The following NCKAP5 variants were observed in gnomAD, a reference collection of about 807,000 sequenced individuals.
The protein encoded by NCKAP5 is nck-associated protein 5.
A neutral mutation model predicts 167.0 loss-of-function variants in NCKAP5; 92 were observed. The ratio of observed to expected loss-of-function variants is 0.55; its 90% CI spans 0.47 to 0.66. The LOEUF is 0.66. NCKAP5 is among the 30% of genes least tolerant of loss of function. The pLI, the probability that NCKAP5 is intolerant of heterozygous loss-of-function variation, is 0.00. For missense variants in NCKAP5, 2,378 were observed against 2,315.0 expected (o/e 1.03, Z -0.56); for synonymous variants, 891 against 877.4 (o/e 1.02, Z -0.27).
intron 8 of NCKAP5, among the ~76,000 whole-genome samples, chr2:132,897,487 CAG>C (rs1322204617): frequency 2.6e-5 from 4 of 152,154 alleles, no homozygotes; most frequent in African/African-American, 9.7e-5. Flanking sequence ...ACATACGAAT[CAG>C]AGTTTCTCAA....
intron 8 of NCKAP5, among the ~76,000 whole-genome samples, chr2:132,919,564 C>A (rs565475948): frequency 5.9e-5 from 9 of 152,166 alleles, no homozygotes; most frequent in African/African-American, 2.2e-4. Flanking sequence ...ACATTTGATG[C>A]AAGATCAACA....
intron 16 of NCKAP5, among the ~76,000 whole-genome samples, chr2:132,735,000 T>C (rs943825440): frequency 1.3e-5 from 2 of 152,228 alleles, no homozygotes; most frequent in Non-Finnish European, 2.9e-5. Flanking sequence ...CTAGCTTGGT[T>C]CCTGGGCTCC....
At chr2:133,315,632 G>GAAAA (rs60000379) in intron 3 of NCKAP5, among the ~76,000 whole-genome samples, 2 of 130,786 alleles carry the variant, frequency 1.5e-5, no homozygotes, top group African/African-American at 5.6e-5. Context: ...GTTGAGAGGA[G>GAAAA]AAAAAAAAAA....
chr2:133,256,740 T>C (rs1367601286), intron 4 of NCKAP5, among the ~76,000 whole-genome samples: 1 of 152,182 alleles, frequency 6.6e-6, no homozygotes, highest in African/African-American at 2.4e-5. Flanking sequence ...GTCAATAGTT[T>C]AAAACAAAGT....
At chr2:133,351,250 A>G (rs1684339846) in intron 3 of NCKAP5, among the ~76,000 whole-genome samples, 1 of 152,094 alleles carries the variant, frequency 6.6e-6, no homozygotes, top group Non-Finnish European at 1.5e-5. Flanking sequence ...AAAACCACTC[A>G]CAGGGTTTTC....
chr2:132,751,704 C>A (rs1322489443), intron 16 of NCKAP5, among the ~76,000 whole-genome samples: 2 of 152,160 alleles, frequency 1.3e-5, no homozygotes, highest in African/African-American at 2.4e-5. Context: ...GATCCCTGTG[C>A]AATTACTGAA....
chr2:133,031,682 G>T (rs2078885795), intron 6 of NCKAP5, among the ~76,000 whole-genome samples: 1 of 152,072 alleles, frequency 6.6e-6, no homozygotes, highest in Non-Finnish European at 1.5e-5. Flanking sequence ...CAGCTGCACA[G>T]CTCACAGCTA....
At chr2:132,855,546 T>C (rs6713271) in intron 11 of NCKAP5, among the ~76,000 whole-genome samples, 2,604 of 152,304 alleles carry the variant, frequency 0.017, 69 homozygotes, top group African/African-American at 0.06. Context: ...GGTGAACTTA[T>C]ATCCCAACAG....
intron 3 of NCKAP5, among the ~76,000 whole-genome samples, chr2:133,474,606 T>C (rs867694976): frequency 1.1e-4 from 17 of 152,356 alleles, no homozygotes; most frequent in African/African-American, 3.8e-4. Context: ...TAGTTTGATC[T>C]AGCCATTCTA....
At chr2:132,689,709 A>G (rs1308114533) in intron 19 of NCKAP5, among the ~76,000 whole-genome samples, 2 of 152,076 alleles carry the variant, frequency 1.3e-5, no homozygotes, top group African/African-American at 2.4e-5. Flanking sequence ...TAACACCACA[A>G]TTCAGGCAAC....
intron 7 of NCKAP5, among the ~76,000 whole-genome samples, chr2:132,980,330 C>A (rs1473670022): frequency 6.6e-6 from 1 of 152,008 alleles, no homozygotes; most frequent in Non-Finnish European, 1.5e-5. Flanking sequence ...TTAGAATAGG[C>A]CTGCGGAAAT....
At chr2:132,813,478 T>A (rs1461603596) in intron 11 of NCKAP5, among the ~76,000 whole-genome samples, 1 of 152,194 alleles carries the variant, frequency 6.6e-6, no homozygotes, top group Non-Finnish European at 1.5e-5. Flanking sequence ...CTCAGTATGC[T>A]TCTTCCTAAA....
At chr2:133,131,881 TA>T (rs1203992741) in intron 5 of NCKAP5, among the ~76,000 whole-genome samples, 1 of 152,174 alleles carries the variant, frequency 6.6e-6, no homozygotes, top group Non-Finnish European at 1.5e-5. Context: ...TTCCTCTTTT[TA>T]TTGACTGATT....
intron 3 of NCKAP5, among the ~76,000 whole-genome samples, chr2:133,410,865 C>T (rs544337087): frequency 6.6e-6 from 1 of 152,316 alleles, no homozygotes; most frequent in African/African-American, 2.4e-5. Flanking sequence ...TCTAACCACC[C>T]CAAGACTACA....
intron 16 of NCKAP5, among the ~76,000 whole-genome samples, chr2:132,756,256 G>A (rs1246875630): frequency 6.6e-6 from 1 of 152,140 alleles, no homozygotes; most frequent in Non-Finnish European, 1.5e-5. Context: ...AGTGTACTTA[G>A]GTCCGATGAC....
chr2:133,348,774 A>C (rs1684152445), intron 3 of NCKAP5, among the ~76,000 whole-genome samples: 1 of 152,196 alleles, frequency 6.6e-6, no homozygotes, highest in Non-Finnish European at 1.5e-5. Flanking sequence ...AATATCCAGT[A>C]AAGGTGATTT....
chr2:133,277,143 G>A (rs958704024), intron 4 of NCKAP5, among the ~76,000 whole-genome samples: 6 of 152,120 alleles, frequency 3.9e-5, no homozygotes, highest in Admixed American at 2.0e-4. Flanking sequence ...CAGGATGTCC[G>A]CTGCCTCCAC....
chr2:132,866,784 AT>A (rs1394480272), intron 10 of NCKAP5, among the ~76,000 whole-genome samples: 1 of 151,908 alleles, frequency 6.6e-6, no homozygotes, highest in Admixed American at 6.6e-5. Context: ...ATCGCTCAAG[AT>A]TTTTTTCTGT....
chr2:133,644,943 G>C, the NCKAP5 span, among the ~76,000 whole-genome samples: 2 of 152,082 alleles, frequency 1.3e-5, no homozygotes, highest in Non-Finnish European at 2.9e-5. Context: ...CAAAAAAAAT[G>C]AGAAATCTAT....
Sources: allele counts gnomAD v4.1 joint callset (sites outside exome capture counted in the v4.1 genomes callset), GRCh38; gene constraint gnomAD v4.1.1; transcripts MANE v1.5; gene names NCBI Gene and HGNC (gene_info 2026-07-23, HGNC 2026-07-21).